Variants in ANKS1B observed in about 807,000 individuals in gnomAD.
ANKS1B encodes the protein ankyrin repeat and sterile alpha motif domain-containing protein 1B.
ANKS1B carries 36 observed loss-of-function variants against 148.3 expected under a neutral mutation model. That is an observed-to-expected ratio of 0.24 (90% confidence interval 0.19 to 0.32). The LOEUF (loss-of-function observed/expected upper bound fraction) is 0.32, where lower values mean the gene tolerates loss of function less well. Ranked by LOEUF, ANKS1B falls within the 10% of genes least tolerant of loss-of-function variation. ANKS1B has a pLI of 1.00. For synonymous variants in ANKS1B, 542 were observed against 560.8 expected (o/e 0.97, Z 0.47); for missense variants, 1,157 against 1,542.6 (o/e 0.75, Z 4.19).
At chr12:99,309,210 T>G (rs2082797531) in intron 12 of ANKS1B, among the ~76,000 whole-genome samples, 1 of 151,954 alleles carries the variant, frequency 6.6e-6, no homozygotes, top group African/African-American at 2.4e-5. Context: ...GCCATTATAT[T>G]TTAAATAAGA....
intron 16 of ANKS1B, among the ~76,000 whole-genome samples, chr12:99,072,497 A>G (rs761332664): frequency 1.3e-5 from 2 of 152,156 alleles, no homozygotes; most frequent in Non-Finnish European, 2.9e-5. Flanking sequence ...CTGGGATTAA[A>G]TTAGATTTAA....
chr12:99,806,452 T>C lies in ANKS1B; in HGVS notation c.621A>G (p.Lys207=), dbSNP rs2067651645. Residue 207 remains lysine (K), a synonymous_variant, in exon 4 of 27, where the codon AAA becomes AAG. Transcript: ENST00000683438. The part of the protein sequence containing the change: ...PLHLAARNGH[K]AVVQVLLEAG... ...CCTCCAGCAGCACCTGCACGACTGCTTTGTGGCCATTGCGCGCAGCAAGGT... is the reference window on the plus strand; with the variant it reads ...CCTCCAGCAGCACCTGCACGACTGCCTTGTGGCCATTGCGCGCAGCAAGGT... 4 of 1,613,890 alleles carry C rather than the reference T, an allele frequency of 2.5e-6. No individual in the cohort carries two copies. Among genetic ancestry groups the C allele is most frequent in the Non-Finnish European group, 3.4e-6 (4 of 1,179,886 alleles).
Position 99,047,852 on chromosome 12 carries a change from C to T in ANKS1B, c.2778+5305G>A, listed in dbSNP as rs779165515. 8.5e-5 allele frequency among the ~76,000 whole-genome samples: 13 copies of T among 152,210 alleles called. No homozygotes were observed. In the South Asian group the frequency reaches 2.7e-3, roughly 32 times the overall value. On this transcript the variant is annotated intron_variant, in intron 17 of 26. Coordinates refer to ENST00000683438, the MANE Select transcript of ANKS1B (RefSeq NM_001352186.2). ...TCCTTCAGGTAGAAGGAAAATGACA[C>T]CAGATGGAACTAAGGGTCTACATAA...
Position 99,974,498 on chromosome 12 carries a change from G to C in ANKS1B, c.134+9606C>G, listed in dbSNP as rs1033298563. ...CTAGAGACTAAATGAGTAGCAAAAA[G>C]AAAATACTTTTCTATCACCAGCCAT... is the stretch of plus-strand genomic sequence containing the variant. On this transcript the variant is annotated intron_variant, in intron 1 of 26. Transcript: ENST00000683438. Among the ~76,000 whole-genome samples the C allele has an allele frequency of 2.6e-5, 4 of 152,030 alleles. 1 individual carries two copies. Among genetic ancestry groups the C allele is most frequent in the African/African-American group, 4.8e-5 (2 of 41,400 alleles).
chr12:99,338,235 G>A (rs536897363), intron 12 of ANKS1B, among the ~76,000 whole-genome samples: 41 of 152,152 alleles, frequency 2.7e-4, no homozygotes, highest in Non-Finnish European at 4.0e-4. Context: ...TGGCATGCAA[G>A]CCACAAGACA....
chr12:99,007,424 G>A (rs768681958), intron 17 of ANKS1B, among the ~76,000 whole-genome samples: 13 of 152,114 alleles, frequency 8.5e-5, no homozygotes, highest in Admixed American at 5.2e-4. Context: ...CCTGTTTATT[G>A]AGGAATCTGA....
intron 17 of ANKS1B, among the ~76,000 whole-genome samples, chr12:98,840,263 G>GT (rs1339609742): frequency 6.6e-6 from 1 of 151,986 alleles, no homozygotes; most frequent in Non-Finnish European, 1.5e-5. Context: ...CCCACCATCT[G>GT]TAACTCTTTC....
At chr12:99,409,887 G>C (rs2094635234) in intron 11 of ANKS1B, among the ~76,000 whole-genome samples, 1 of 152,176 alleles carries the variant, frequency 6.6e-6, no homozygotes, top group African/African-American at 2.4e-5. Context: ...ATTACATATT[G>C]AATTTGCCAA....
intron 1 of ANKS1B, among the ~76,000 whole-genome samples, chr12:99,934,739 T>C (rs2094714764): frequency 6.6e-6 from 1 of 152,100 alleles, no homozygotes; most frequent in Non-Finnish European, 1.5e-5. Context: ...AGGTCTTAAA[T>C]ACTTTGGTAC....
chr12:99,710,382 AAATAGC>A (rs1686657193), intron 8 of ANKS1B, among the ~76,000 whole-genome samples: 1 of 152,164 alleles, frequency 6.6e-6, no homozygotes, highest in Admixed American at 6.5e-5. Context: ...ATAATTAAAG[AAATAGC>A]TGTTGGTGTT....
chr12:99,425,775 C>T (rs1346411534), intron 11 of ANKS1B, among the ~76,000 whole-genome samples: 3 of 151,602 alleles, frequency 2.0e-5, no homozygotes, highest in African/African-American at 7.3e-5. Context: ...ATGTGTTAGT[C>T]TTCTTTGTGG....
chr12:99,627,144 T>C (rs1039178059), intron 9 of ANKS1B, among the ~76,000 whole-genome samples: 1 of 152,170 alleles, frequency 6.6e-6, no homozygotes, highest in African/African-American at 2.4e-5. Flanking sequence ...TAAATATAGC[T>C]ATATTTTTGC....
At chr12:98,831,933 G>T in intron 18 of ANKS1B, 96 bp downstream of exon 18, 1 of 1,174,602 alleles carries the variant, frequency 8.5e-7, no homozygotes, top group Non-Finnish European at 1.2e-6. Flanking sequence ...TCTGTTTTCA[G>T]TAGAGGCAGG....
intron 17 of ANKS1B, among the ~76,000 whole-genome samples, chr12:98,858,435 C>T (rs2099582799): frequency 6.6e-6 from 1 of 152,214 alleles, no homozygotes; most frequent in Admixed American, 6.5e-5. Context: ...CCTTGACCTC[C>T]TGGGCTCAGC....
chr12:99,505,631 A>ATT (rs1343629159), intron 9 of ANKS1B, among the ~76,000 whole-genome samples: 2 of 148,160 alleles, frequency 1.3e-5, no homozygotes, highest in East Asian at 2.0e-4. Flanking sequence ...ATATTTATAT[A>ATT]TTATATATAT....
At chr12:98,861,170 T>C (rs2099597461) in intron 17 of ANKS1B, among the ~76,000 whole-genome samples, 1 of 152,206 alleles carries the variant, frequency 6.6e-6, no homozygotes, top group Non-Finnish European at 1.5e-5. Context: ...CTTCGGAGTT[T>C]ATGCTAGTAT....
intron 12 of ANKS1B, among the ~76,000 whole-genome samples, chr12:99,262,868 T>C (rs2076073492): frequency 6.6e-6 from 1 of 151,570 alleles, no homozygotes; most frequent in Non-Finnish European, 1.5e-5. Context: ...TAGGGGAATG[T>C]GTGTGTGTGT....
At chr12:99,893,759 G>A (rs530645464) in intron 1 of ANKS1B, among the ~76,000 whole-genome samples, 229 of 152,216 alleles carry the variant, frequency 1.5e-3, no homozygotes, top group African/African-American at 5.2e-3. Context: ...CTGTTTCTGC[G>A]TTAATTCACT....
chr12:99,930,861 A>G (rs972934530), intron 1 of ANKS1B, among the ~76,000 whole-genome samples: 3 of 152,202 alleles, frequency 2.0e-5, no homozygotes, highest in Admixed American at 2.0e-4. Flanking sequence ...CCAAAGGATT[A>G]CAAATCATGC....
Sources: gnomAD v4.1 joint callset for allele counts (sites outside exome capture counted in the v4.1 genomes callset) on GRCh38, gnomAD v4.1.1 for gene constraint, MANE v1.5 for transcripts, NCBI Gene and HGNC (gene_info 2026-07-23, HGNC 2026-07-21) for gene names.